SEZ6L: variants seen among roughly 807,000 people sequenced by gnomAD.
SEZ6L encodes seizure 6-like protein.
SEZ6L carries 37 observed loss-of-function variants against 106.2 expected under a neutral mutation model. The ratio of observed to expected loss-of-function variants is 0.35; its 90% CI spans 0.27 to 0.46. The LOEUF (loss-of-function observed/expected upper bound fraction) is 0.46. Among genes scored for constraint, SEZ6L ranks in the 20% least tolerant of loss-of-function variants. SEZ6L has a pLI of 1.00. For synonymous variants in SEZ6L, 541 were observed against 570.4 expected (o/e 0.95, Z 0.73); for missense variants, 1,172 against 1,332.8 (o/e 0.88, Z 1.88).
intron 4 of SEZ6L, among the ~76,000 whole-genome samples, 161 bp from the exon 5 acceptor site, chr22:26,298,823 T>A (rs2081370877): frequency 6.6e-6 from 1 of 152,180 alleles, no homozygotes; most frequent in Admixed American, 6.5e-5. Context: ...TTCAGCCTGA[T>A]ATGATCAAAG....
intron 1 of SEZ6L, among the ~76,000 whole-genome samples, chr22:26,270,674 T>A (rs1748559786): frequency 6.6e-6 from 1 of 152,248 alleles, no homozygotes; most frequent in Non-Finnish European, 1.5e-5. Flanking sequence ...TTTATACCCC[T>A]TCTTTATCTC....
At chr22:26,292,026 A>T (rs13053195) in intron 1 of SEZ6L, among the ~76,000 whole-genome samples, 10 of 110,976 alleles carry the variant, frequency 9.0e-5, no homozygotes, top group East Asian at 2.5e-4. Flanking sequence ...GAAGGAAGGA[A>T]GGAAGGAAGG....
chr22:26,231,714 G>A (rs543446210), intron 1 of SEZ6L, among the ~76,000 whole-genome samples: 1 of 152,334 alleles, frequency 6.6e-6, no homozygotes, highest in Admixed American at 6.5e-5. Flanking sequence ...GCCCTGCCTT[G>A]GCATCTGGCT....
In SEZ6L at chr22:26,187,303, G is replaced by A. The variant is rs553113351; in HGVS notation, c.94+17540G>A. Among the ~76,000 whole-genome samples the A allele has an allele frequency of 4.6e-5, 7 of 152,284 alleles. No homozygotes were observed. The South Asian group carries it at 8.3e-4, about 18-fold the overall frequency. On this transcript the variant is annotated intron_variant, in intron 1 of 16. Coordinates refer to ENST00000248933, the MANE Select transcript of SEZ6L (RefSeq NM_021115.5). ...CTTGTGAGAACTCACTCACTATCAC[G>A]AGAACAGCATGGGGGAACCACCCCC...
intron 12 of SEZ6L, 27 bp from the exon 13 acceptor site, chr22:26,365,345 C>T (rs1305144190): frequency 1.3e-6 from 2 of 1,587,816 alleles, no homozygotes; most frequent in African/African-American, 1.3e-5. Flanking sequence ...ATCATCTCAT[C>T]AGAGCTCCTT....
At chr22:26,347,196 A>G (rs111724810) in intron 10 of SEZ6L, among the ~76,000 whole-genome samples, 1 of 129,912 alleles carries the variant, frequency 7.7e-6, no homozygotes, top group East Asian at 2.6e-4. Flanking sequence ...TGCCTGTAAA[A>G]ATAATGATGA....
At chr22:26,237,974 T>C (rs137856201) in intron 1 of SEZ6L, among the ~76,000 whole-genome samples, 9 of 152,306 alleles carry the variant, frequency 5.9e-5, no homozygotes, top group Non-Finnish European at 1.3e-4. Context: ...AGAATATTCA[T>C]TTTCCACCAT....
chr22:26,351,537 GTTTGTTT>G, intron 12 of SEZ6L: 1 of 170,094 alleles, frequency 5.9e-6, no homozygotes, highest in Non-Finnish European at 9.6e-6. Context: ...TTGTTTGTTT[GTTTGTTT>G]GTTGGTTGGT....
intron 1 of SEZ6L, among the ~76,000 whole-genome samples, chr22:26,180,233 C>T (rs1232231702): frequency 2.0e-5 from 3 of 152,180 alleles, no homozygotes; most frequent in African/African-American, 7.2e-5. Context: ...CTTCTCAATT[C>T]TTCTCATTTT....
In SEZ6L at chr22:26,293,118, C is replaced by T; in HGVS notation, c.807C>T (p.Thr269=). The change falls in exon 2 of 17, where the codon ACC becomes ACT. Residue 269 remains threonine, a synonymous_variant. Transcript: ENST00000248933. Reference sequence around the variant, plus strand: ...CCACTACCTCCACCATTATCACCACCACGGTCATCACCACCGAGCAGGCAC... The same window carrying T: ...CCACTACCTCCACCATTATCACCACTACGGTCATCACCACCGAGCAGGCAC... ...QETTTSTIIT[T]TVITTEQAPA... The T allele has an allele frequency of 7.0e-6, 11 of 1,579,786 alleles. No homozygotes were observed. The highest frequency in any genetic ancestry group is 9.4e-6 in the Non-Finnish European group (11 of 1,169,404).
intron 13 of SEZ6L, among the ~76,000 whole-genome samples, chr22:26,372,570 G>T (rs1313159251): frequency 2.0e-5 from 3 of 152,162 alleles, no homozygotes; most frequent in Non-Finnish European, 2.9e-5. Context: ...CATCAGTATA[G>T]CTAAGCCTTT....
At chr22:26,308,339 G>A (rs1405188447) in intron 6 of SEZ6L, among the ~76,000 whole-genome samples, 3 of 151,922 alleles carry the variant, frequency 2.0e-5, no homozygotes, top group Admixed American at 6.6e-5. Flanking sequence ...TTGTTGGGGG[G>A]CTGCAGCAGA....
chr22:26,301,211 T>C lies in SEZ6L; in HGVS notation c.1348+2042T>C, dbSNP rs138595162. Among the ~76,000 whole-genome samples, 52 of 152,318 alleles carry C rather than the reference T, an allele frequency of 3.4e-4. No individual in the cohort carries two copies. In the East Asian group the frequency reaches 8.1e-3, roughly 24 times the overall value. ...CCTGCTGACACAGTCTGGTGCCCTCTAGTAAAAAGAAGTGGGCTTTCTGAG... is the reference window on the plus strand; with the variant it reads ...CCTGCTGACACAGTCTGGTGCCCTCCAGTAAAAAGAAGTGGGCTTTCTGAG... On this transcript the variant is annotated intron_variant, in intron 5 of 16. Transcript: ENST00000248933.
chr22:26,257,716 A>G (rs1360987289), intron 1 of SEZ6L, among the ~76,000 whole-genome samples: 1 of 152,136 alleles, frequency 6.6e-6, no homozygotes, highest in Non-Finnish European at 1.5e-5. Flanking sequence ...TCCTATCTCC[A>G]TTACTCCAGC....
intron 12 of SEZ6L, among the ~76,000 whole-genome samples, chr22:26,352,478 T>C (rs1327937786): frequency 6.6e-6 from 1 of 152,158 alleles, no homozygotes; most frequent in Non-Finnish European, 1.5e-5. Context: ...GATTATAAAT[T>C]CCCCTACATC....
intron 1 of SEZ6L, among the ~76,000 whole-genome samples, chr22:26,208,844 CTCTCTCTGTG>C (rs1941432034): frequency 9.3e-6 from 1 of 107,366 alleles, no homozygotes; most frequent in Non-Finnish European, 1.8e-5. Flanking sequence ...CTTCTTGACT[CTCTCTCTGTG>C]TGTGTGTGTG....
intron 1 of SEZ6L, among the ~76,000 whole-genome samples, chr22:26,175,617 T>C (rs1938933201): frequency 6.6e-6 from 1 of 152,146 alleles, no homozygotes; most frequent in African/African-American, 2.4e-5. Context: ...TTCTTTCCAG[T>C]TGAGGAAAGG....
intron 9 of SEZ6L, among the ~76,000 whole-genome samples, chr22:26,337,810 A>G (rs2082691711): frequency 6.6e-6 from 1 of 152,182 alleles, no homozygotes; most frequent in Non-Finnish European, 1.5e-5. Flanking sequence ...ACTGGTGAAA[A>G]TTATGGCGGC....
chr22:26,354,495 C>T lies in SEZ6L; in HGVS notation c.2599+3252C>T, dbSNP rs73158657. Among the ~76,000 whole-genome samples, 948 of 152,260 alleles carry T rather than the reference C, an allele frequency of 6.2e-3. 2 individuals carry two copies. Among genetic ancestry groups the T allele is most frequent in the Non-Finnish European group, 0.011 (728 of 68,014 alleles). ...GAAGTTTCTGCTGTCCTAAGCCTCCCGGTTTGTGGTCCTTTGTCAAGGGCA... is the reference window on the plus strand; with the variant it reads ...GAAGTTTCTGCTGTCCTAAGCCTCCTGGTTTGTGGTCCTTTGTCAAGGGCA... On this transcript the variant is annotated intron_variant, in intron 12 of 16. Coordinates refer to ENST00000248933, the MANE Select transcript of SEZ6L (RefSeq NM_021115.5).
Sources: allele counts gnomAD v4.1 joint callset (sites outside exome capture counted in the v4.1 genomes callset), GRCh38; gene constraint gnomAD v4.1.1; transcripts MANE v1.5; gene names NCBI Gene and HGNC (gene_info 2026-07-23, HGNC 2026-07-21).